Variants in PDE8A observed in about 807,000 individuals in gnomAD.
The protein encoded by PDE8A is high affinity cAMP-specific and IBMX-insensitive 3',5'-cyclic phosphodiesterase 8A.
Under a neutral mutation model 105.0 loss-of-function variants are expected in PDE8A, and 59 were observed. That is an observed-to-expected ratio of 0.56 (90% CI 0.46 to 0.70). The LOEUF (loss-of-function observed/expected upper bound fraction) is 0.70. Ranked by LOEUF, PDE8A falls within the 30% of genes least tolerant of loss-of-function variation. The pLI is 0.00. For missense variants in PDE8A, 1,014 were observed against 1,045.9 expected, an observed-to-expected ratio of 0.97 and a Z score of 0.42; for synonymous variants, 355 against 371.9, an observed-to-expected ratio of 0.95 and a Z score of 0.52.
intron 12 of PDE8A, among the ~76,000 whole-genome samples, chr15:85,112,719 T>C (rs984359337): frequency 6.6e-6 from 1 of 152,218 alleles, no homozygotes; most frequent in African/African-American, 2.4e-5. Context: ...GGATTGTTCG[T>C]GGAGATACCC....
At chr15:85,126,735 GGCATATGCACAT>G (rs1299026810) in intron 20 of PDE8A, among the ~76,000 whole-genome samples, 1 of 151,842 alleles carries the variant, frequency 6.6e-6, no homozygotes, top group Non-Finnish European at 1.5e-5. Flanking sequence ...TTTGGTGGAG[GGCATATGCACAT>G]GCATATGCAT....
intron 2 of PDE8A, among the ~76,000 whole-genome samples, chr15:85,065,388 C>T (rs34262848): frequency 0.14 from 20,902 of 147,188 alleles, 1,921 homozygotes; most frequent in Middle Eastern, 0.25. Flanking sequence ...TGCTAGATGA[C>T]GAGTTAGTGG....
At chr15:85,089,497 A>AT (rs61246885) in intron 7 of PDE8A, 81 bp downstream of exon 7, 12,285 of 554,304 alleles carry the variant, frequency 0.022, no homozygotes, top group South Asian at 0.028. Context: ...CTCCAATATG[A>AT]TTTTTTTTTT....
intron 1 of PDE8A, among the ~76,000 whole-genome samples, chr15:85,023,671 G>T (rs1168732238): frequency 2.6e-5 from 4 of 152,216 alleles, no homozygotes; most frequent in Non-Finnish European, 4.4e-5. Flanking sequence ...TCATGGGACA[G>T]TTCTGGCTGA....
intron 1 of PDE8A, among the ~76,000 whole-genome samples, chr15:85,045,789 CTG>C (rs1226195395): frequency 6.6e-6 from 1 of 152,172 alleles, no homozygotes; most frequent in Non-Finnish European, 1.5e-5. Context: ...TCTTTCCAGG[CTG>C]TGTCCCTTTG....
intron 1 of PDE8A, among the ~76,000 whole-genome samples, chr15:85,023,127 G>A (rs773474685): frequency 6.6e-6 from 1 of 152,206 alleles, no homozygotes; most frequent in Non-Finnish European, 1.5e-5. Flanking sequence ...ATTTGAAGGA[G>A]TTGTTCCCTA....
chr15:85,100,879 C>G (rs371559401), intron 11 of PDE8A, among the ~76,000 whole-genome samples: 1 of 152,152 alleles, frequency 6.6e-6, no homozygotes, highest in Non-Finnish European at 1.5e-5. Context: ...CTCTGCTTGC[C>G]CATGTGGTCT....
rs1213024104 is a variant in PDE8A at position 84,982,229 on chromosome 15, G to T, written c.67G>T (p.Ala23Ser). ...LVAEDAPSPAAPPLSSGGPRL... is the reference protein window; with the variant it reads ...LVAEDAPSPASPPLSSGGPRL... ...GGCCGAGGACGCGCCTAGCCCCGCG[G>T]CACCGCCGCTGTCGTCCGGCGGGCC... The change falls in exon 1 of 22, where the codon GCA becomes TCA. Residue 23 changes from alanine to serine, a missense_variant. By Grantham distance (99) the Ala-to-Ser change is moderately conservative. Transcript: ENST00000394553. 5 of 1,476,200 alleles carry T rather than the reference G, an allele frequency of 3.4e-6. No individual in the cohort carries two copies. In the African/African-American group the frequency reaches 5.9e-5, roughly 17 times the overall value. The allele number at this position is 1,476,200 out of a possible 1,614,324, so 91.4% of individuals were successfully genotyped here.
intron 1 of PDE8A, among the ~76,000 whole-genome samples, chr15:85,027,170 A>T (rs914923991): frequency 6.6e-6 from 1 of 152,198 alleles, no homozygotes; most frequent in African/African-American, 2.4e-5. Context: ...ACTGTGGACC[A>T]GACTTGGAGA....
intron 1 of PDE8A, among the ~76,000 whole-genome samples, chr15:84,988,790 G>A (rs2079843061): frequency 6.6e-6 from 1 of 152,186 alleles, no homozygotes; most frequent in South Asian, 2.1e-4. Flanking sequence ...TAGGATTTCT[G>A]TCTTCAGCCT....
At chr15:85,096,227 TC>T (rs1465613312) in intron 8 of PDE8A, among the ~76,000 whole-genome samples, 3 of 152,206 alleles carry the variant, frequency 2.0e-5, no homozygotes, top group Admixed American at 1.3e-4. Flanking sequence ...GTAATTTTTT[TC>T]TCTCTCTTTT....
At chr15:85,112,569 G>C (rs1263352027) in intron 12 of PDE8A, among the ~76,000 whole-genome samples, 1 of 152,154 alleles carries the variant, frequency 6.6e-6, no homozygotes, top group Non-Finnish European at 1.5e-5. Flanking sequence ...AAACATTTGA[G>C]ACCCCCTGAA....
chr15:84,993,221 A>G (rs759548133), intron 1 of PDE8A, among the ~76,000 whole-genome samples: 1 of 151,964 alleles, frequency 6.6e-6, no homozygotes, highest in Non-Finnish European at 1.5e-5. Flanking sequence ...AGGCGGGCGG[A>G]TCACAAGGTC....
intron 3 of PDE8A, among the ~76,000 whole-genome samples, chr15:85,072,944 C>T (rs2081333204): frequency 6.7e-6 from 1 of 150,208 alleles, no homozygotes; most frequent in African/African-American, 2.5e-5. Flanking sequence ...GAAACCCTAT[C>T]TTTACAAAAC....
chr15:85,077,216 A>T (rs2081392712), intron 5 of PDE8A, among the ~76,000 whole-genome samples: 1 of 152,208 alleles, frequency 6.6e-6, no homozygotes. Flanking sequence ...ACATGTATAC[A>T]TGCAACTTTT....
chr15:84,991,293 A>G (rs747784905), intron 1 of PDE8A, among the ~76,000 whole-genome samples: 3 of 152,242 alleles, frequency 2.0e-5, no homozygotes, highest in Non-Finnish European at 4.4e-5. Context: ...AAAGTCAATA[A>G]GAAAACAACC....
chr15:85,121,731 T>C (rs768082141), intron 18 of PDE8A, among the ~76,000 whole-genome samples: 11 of 152,132 alleles, frequency 7.2e-5, no homozygotes, highest in Non-Finnish European at 1.3e-4. Flanking sequence ...TTTTAGAATA[T>C]TACCCCTTCG....
intron 5 of PDE8A, among the ~76,000 whole-genome samples, chr15:85,081,016 G>C (rs2081456889): frequency 6.6e-6 from 1 of 152,186 alleles, no homozygotes; most frequent in South Asian, 2.1e-4. Context: ...ACTAATTAGT[G>C]CTAACTAATC....
At chr15:85,064,623 T>G (rs2081193193) in intron 2 of PDE8A, among the ~76,000 whole-genome samples, 197 bp downstream of exon 2, 6 of 152,190 alleles carry the variant, frequency 3.9e-5, no homozygotes, top group Admixed American at 3.9e-4. Context: ...CATTGTGGTG[T>G]TTAGAGATGA....
Sources: gnomAD v4.1 joint callset for allele counts (sites outside exome capture counted in the v4.1 genomes callset) on GRCh38, gnomAD v4.1.1 for gene constraint, MANE v1.5 for transcripts, NCBI Gene and HGNC (gene_info 2026-07-23, HGNC 2026-07-21) for gene names.